Variants in PEPD observed in about 807,000 individuals in gnomAD.
The protein encoded by PEPD is peptidase D.
A neutral mutation model predicts 60.7 loss-of-function variants in PEPD; 53 were observed. The observed-to-expected ratio is 0.87, with a 90% CI of 0.70 to 1.10. PEPD has a LOEUF of 1.10. Among genes scored for constraint, PEPD ranks in the 50% least tolerant of loss-of-function variants. PEPD has a pLI of 0.00. For synonymous variants in PEPD, 267 were observed against 284.1 expected, an observed-to-expected ratio of 0.94 and a Z score of 0.60; for missense variants, 711 against 711.9, an observed-to-expected ratio of 1.00 and a Z score of 0.01.
intron 9 of PEPD, among the ~76,000 whole-genome samples, chr19:33,449,085 G>T (rs573300943): frequency 6.6e-6 from 1 of 152,200 alleles, no homozygotes; most frequent in Non-Finnish European, 1.5e-5. Context: ...CAGGGGCCTC[G>T]GGGGAAGGCA....
chr19:33,514,004 T>A (rs1001216184), intron 1 of PEPD, among the ~76,000 whole-genome samples: 2 of 135,750 alleles, frequency 1.5e-5, no homozygotes, highest in Non-Finnish European at 3.3e-5. Context: ...ATTTGTTTGC[T>A]GGCCCTCCAG....
chr19:33,487,165 G>A lies in PEPD; in HGVS notation c.503+2831C>T, dbSNP rs1015636126. ...GGGAATGCGGTTGCTGAGCGGCAGC[G>A]GCTCTTGGGGACGTGGTCTCTGCCC... On this transcript the variant is annotated intron_variant, in intron 6 of 14. Coordinates refer to ENST00000244137, the MANE Select transcript of PEPD (RefSeq NM_000285.4). 4 of 152,248 alleles carry A rather than the reference G, an allele frequency of 2.6e-5. No individual in the cohort carries two copies. In the East Asian group the frequency reaches 5.8e-4, roughly 22 times the overall value. The allele number at this position is 152,248 out of a possible 1,614,324, so 9.4% of individuals were successfully genotyped here. A position where few individuals can be genotyped will look rare whatever the true frequency, so the allele number is the denominator to read the frequency against.
chr19:33,449,150 A>T (rs1183874115), intron 9 of PEPD, among the ~76,000 whole-genome samples: 1 of 152,230 alleles, frequency 6.6e-6, no homozygotes, highest in African/African-American at 2.4e-5. Context: ...CCCACTGTAG[A>T]GAAGACATCT....
intron 12 of PEPD, among the ~76,000 whole-genome samples, chr19:33,400,301 G>A (rs1387789940): frequency 6.6e-6 from 1 of 152,246 alleles, no homozygotes; most frequent in African/African-American, 2.4e-5. Context: ...CCTGTGTGCT[G>A]AGGGCGGGCC....
intron 6 of PEPD, among the ~76,000 whole-genome samples, chr19:33,480,800 T>A (rs563711252): frequency 4.6e-4 from 62 of 134,956 alleles, no homozygotes; most frequent in Non-Finnish European, 8.0e-4. Context: ...TTTCAAAAAA[T>A]ATATATATAT....
At chr19:33,456,429 T>C (rs553005677) in intron 9 of PEPD, among the ~76,000 whole-genome samples, 4 of 152,290 alleles carry the variant, frequency 2.6e-5, no homozygotes, top group African/African-American at 9.6e-5. Flanking sequence ...CTCCTAGGGC[T>C]TGGACACGCA....
chr19:33,505,912 C>A (rs1291977772), intron 3 of PEPD, among the ~76,000 whole-genome samples: 2 of 145,646 alleles, frequency 1.4e-5, no homozygotes, highest in African/African-American at 5.1e-5. Flanking sequence ...CCACACATAC[C>A]CTCATCACAA....
chr19:33,471,413 A>G (rs950106081), intron 7 of PEPD, among the ~76,000 whole-genome samples: 4 of 152,204 alleles, frequency 2.6e-5, no homozygotes, highest in Admixed American at 2.6e-4. Flanking sequence ...CATTCCGCGC[A>G]GTTTCTCCCT....
chr19:33,409,145 G>A (rs1004037865), intron 11 of PEPD, among the ~76,000 whole-genome samples: 2 of 152,192 alleles, frequency 1.3e-5, no homozygotes, highest in Non-Finnish European at 2.9e-5. Flanking sequence ...GACCCTCTCC[G>A]GGGCAGATAA....
intron 14 of PEPD, 142 bp from the exon 15 acceptor site, chr19:33,387,623 C>T (rs1430121224): frequency 1.1e-4 from 118 of 1,074,642 alleles, no homozygotes; most frequent in Non-Finnish European, 1.5e-4. Flanking sequence ...CGGGCTCCTT[C>T]ATGGAGCCAT....
chr19:33,391,497 C>G lies in PEPD; in HGVS notation c.968-18G>C, dbSNP rs1265783565. ...CCAGACACCTGTGGGCCAGAGGGAG[C>G]TGCCGTGAGCCACAGAGCCCAGCAG... On this transcript the variant is annotated intron_variant, in intron 12 of 14. Transcript: ENST00000244137. The G allele has an allele frequency of 6.5e-7, 1 of 1,547,258 alleles. No individual in the cohort carries two copies. The highest frequency in any genetic ancestry group is 2.0e-5 in the Admixed American group (1 of 51,014).
chr19:33,407,343 C>T (rs1968652136), intron 11 of PEPD, among the ~76,000 whole-genome samples: 1 of 152,266 alleles, frequency 6.6e-6, no homozygotes, highest in Admixed American at 6.5e-5. Context: ...CCATGCGCCC[C>T]CTGCCCTAGC....
chr19:33,398,852 G>A (rs921129427), intron 12 of PEPD, among the ~76,000 whole-genome samples: 12 of 152,174 alleles, frequency 7.9e-5, no homozygotes, highest in Admixed American at 2.0e-4. Context: ...ACAGGCGCAC[G>A]GGAATTCACG....
chr19:33,402,319 G>A (rs1004878788), intron 11 of PEPD, among the ~76,000 whole-genome samples: 3 of 152,236 alleles, frequency 2.0e-5, no homozygotes, highest in Non-Finnish European at 4.4e-5. Context: ...CCAGCACAGA[G>A]CACAGGCTGA....
chr19:33,502,663 C>G (rs549717521), intron 3 of PEPD, among the ~76,000 whole-genome samples: 1 of 152,154 alleles, frequency 6.6e-6, no homozygotes, highest in African/African-American at 2.4e-5. Flanking sequence ...CTTTCCACAA[C>G]CAATCAGACT....
chr19:33,410,422 C>A (rs554262420), intron 11 of PEPD, among the ~76,000 whole-genome samples: 6 of 152,296 alleles, frequency 3.9e-5, no homozygotes, highest in African/African-American at 1.4e-4. Context: ...CTCGGCAGCT[C>A]TCTGGGCAGC....
chr19:33,411,068 G>C (rs184294130), intron 11 of PEPD, among the ~76,000 whole-genome samples: 1 of 152,188 alleles, frequency 6.6e-6, no homozygotes, highest in Admixed American at 6.5e-5. Context: ...AAGACTACCC[G>C]AGGGGCGGAG....
chr19:33,505,743 C>A (rs1236803022), intron 3 of PEPD, among the ~76,000 whole-genome samples: 2 of 150,548 alleles, frequency 1.3e-5, no homozygotes, highest in East Asian at 2.0e-4. Flanking sequence ...ACCCACCACA[C>A]CCCATCACAA....
intron 13 of PEPD, among the ~76,000 whole-genome samples, chr19:33,390,372 A>G (rs1220286832): frequency 6.6e-6 from 1 of 152,254 alleles, no homozygotes; most frequent in African/African-American, 2.4e-5. Context: ...TTGTTTCTCC[A>G]AATTTAACTG....
Sources: allele counts gnomAD v4.1 joint callset (sites outside exome capture counted in the v4.1 genomes callset), GRCh38; gene constraint gnomAD v4.1.1; transcripts MANE v1.5; gene names NCBI Gene and HGNC (gene_info 2026-07-23, HGNC 2026-07-21).